The following HS3ST3B1 variants were observed in gnomAD, a reference collection of about 807,000 sequenced individuals.
HS3ST3B1 encodes the protein heparan sulfate glucosamine 3-O-sulfotransferase 3B1.
In HS3ST3B1, 13 loss-of-function variants were observed where a neutral mutation model predicts 21.3. The observed-to-expected ratio is 0.61, with a 90% CI of 0.40 to 0.97. The LOEUF (loss-of-function observed/expected upper bound fraction) is 0.97, where lower values mean the gene tolerates loss of function less well. Among genes scored for constraint, HS3ST3B1 ranks in the 50% least tolerant of loss-of-function variants. The probability of loss-of-function intolerance (pLI) is 0.00; values close to 1 mark genes in which losing one functional copy is unlikely to be tolerated. For synonymous variants in HS3ST3B1, 234 were observed against 254.8 expected, an observed-to-expected ratio of 0.92 and a Z score of 0.78; for missense variants, 459 against 554.8, an observed-to-expected ratio of 0.83 and a Z score of 1.73.
At chr17:14,319,366 T>G (rs1371325070) in intron 1 of HS3ST3B1, among the ~76,000 whole-genome samples, 5 of 152,178 alleles carry the variant, frequency 3.3e-5, no homozygotes, top group African/African-American at 1.2e-4. Context: ...AAATTGTCAT[T>G]AGGGCAGTCC....
chr17:14,339,569 G>T (rs994972685), intron 1 of HS3ST3B1, among the ~76,000 whole-genome samples: 1 of 152,172 alleles, frequency 6.6e-6, no homozygotes, highest in African/African-American at 2.4e-5. Flanking sequence ...CTCCAAGCAA[G>T]TCACCCTCTC....
At chr17:14,326,921 C>CAAAAAAAAAAAAA (rs60800866) in intron 1 of HS3ST3B1, among the ~76,000 whole-genome samples, 4 of 60,476 alleles carry the variant, frequency 6.6e-5, no homozygotes, top group Non-Finnish European at 7.2e-5. Flanking sequence ...AACTCTGTCT[C>CAAAAAAAAAAAAA]AAAAAAAAAA....
In HS3ST3B1 at chr17:14,337,553, G is replaced by T. The variant is rs1389092207; in HGVS notation, c.555-7475G>T. ...GGGTTTCGTCATGTTGGCCAGGCTG[G>T]TCTTGAACTCCTGGCCTCAGGTAAT... On this transcript the variant is annotated intron_variant, in intron 1 of 1. Coordinates refer to ENST00000360954, the MANE Select transcript of HS3ST3B1 (RefSeq NM_006041.3). 2.0e-5 allele frequency among the ~76,000 whole-genome samples: 3 copies of T among 151,278 alleles called. No individual in the cohort carries two copies. In the East Asian group the frequency reaches 5.8e-4, roughly 29 times the overall value.
At chr17:14,336,204 A>T (rs151273814) in intron 1 of HS3ST3B1, among the ~76,000 whole-genome samples, 1 of 152,128 alleles carries the variant, frequency 6.6e-6, no homozygotes, top group Non-Finnish European at 1.5e-5. Flanking sequence ...AACTTCCATC[A>T]TCTGTTTTAC....
intron 1 of HS3ST3B1, among the ~76,000 whole-genome samples, chr17:14,314,461 C>T (rs1477433083): frequency 6.6e-6 from 1 of 152,208 alleles, no homozygotes; most frequent in African/African-American, 2.4e-5. Flanking sequence ...TGGTTACCGT[C>T]CCCATCCCGA....
At chr17:14,307,643 A>G (rs1909178639) in intron 1 of HS3ST3B1, among the ~76,000 whole-genome samples, 2 of 152,166 alleles carry the variant, frequency 1.3e-5, no homozygotes, top group South Asian at 2.1e-4. Flanking sequence ...GGTGGCATTT[A>G]TTTCAAGGTT....
chr17:14,308,932 T>C (rs1184771628), intron 1 of HS3ST3B1, among the ~76,000 whole-genome samples: 1 of 152,074 alleles, frequency 6.6e-6, no homozygotes, highest in African/African-American at 2.4e-5. Flanking sequence ...CTGGGCAATG[T>C]GAGGTTTGAG....
intron 1 of HS3ST3B1, among the ~76,000 whole-genome samples, chr17:14,306,980 A>C (rs1204038381): frequency 6.6e-6 from 1 of 152,226 alleles, no homozygotes; most frequent in Non-Finnish European, 1.5e-5. Flanking sequence ...TGGTTGATTA[A>C]TCTTTTACAA....
At position 14,301,874 on chromosome 17, in the gene HS3ST3B1, C is replaced by T. The variant is rs769770705; in HGVS notation, c.356C>T (p.Pro119Leu). The change falls in exon 1 of 2, where the codon CCG (proline) becomes CTG (leucine). Residue 119 changes from proline (P) to leucine (L), a missense_variant. Pro to Leu is a moderately conservative substitution (Grantham distance 98, BLOSUM62 -3). Transcript: ENST00000360954. ...CCGGAGGAGCAGAGTCCCGAGGTGC[C>T]GGACTCCCCAAGCCCCATCTCCAGC... Reference protein sequence around the residue: ...ASPEEQSPEVPDSPSPISSFF... With the variant: ...ASPEEQSPEVLDSPSPISSFF... The T allele has an allele frequency of 1.2e-6, 2 of 1,603,960 alleles. No individual in the cohort carries two copies. The highest frequency in any genetic ancestry group is 2.7e-5 in the African/African-American group (2 of 74,842).
chr17:14,334,083 C>T (rs1003955332), intron 1 of HS3ST3B1, among the ~76,000 whole-genome samples: 8 of 152,028 alleles, frequency 5.3e-5, no homozygotes, highest in African/African-American at 2.4e-5. Context: ...CTTTAAATAT[C>T]GATGGTGATC....
chr17:14,336,964 C>T (rs1276737914), intron 1 of HS3ST3B1, among the ~76,000 whole-genome samples: 2 of 152,086 alleles, frequency 1.3e-5, no homozygotes, highest in African/African-American at 4.8e-5. Flanking sequence ...TCTGTTGAGT[C>T]CTGAGGCTGC....
At chr17:14,342,078 T>G (rs1322188050) in intron 1 of HS3ST3B1, among the ~76,000 whole-genome samples, 1 of 152,140 alleles carries the variant, frequency 6.6e-6, no homozygotes, top group Non-Finnish European at 1.5e-5. Flanking sequence ...CAAGAAGGAG[T>G]GCCCGCCCTC....
rs1377231858 is a variant in HS3ST3B1, at chr17:14,315,543, C to T, written c.554+13471C>T. On this transcript the variant is annotated intron_variant, in intron 1 of 1. Coordinates refer to ENST00000360954, the MANE Select transcript of HS3ST3B1 (RefSeq NM_006041.3). The stretch of plus-strand genomic sequence containing the variant: ...TTCTTTGAGTGAAGACAAAGTTCTT[C>T]TGGGTGTGGTGGCTCATGCCTGTAA... Among the ~76,000 whole-genome samples, 4 of 152,182 alleles carry T rather than the reference C, an allele frequency of 2.6e-5. No individual in the cohort carries two copies. In the East Asian group the frequency reaches 7.7e-4, roughly 29 times the overall value.
chr17:14,331,077 C>T (rs1038471162), intron 1 of HS3ST3B1, among the ~76,000 whole-genome samples: 4 of 152,172 alleles, frequency 2.6e-5, no homozygotes, highest in Admixed American at 6.5e-5. Context: ...CTAAAAAGTC[C>T]GCTTCCCAGA....
chr17:14,306,726 G>C (rs536786019), intron 1 of HS3ST3B1, among the ~76,000 whole-genome samples: 1 of 152,204 alleles, frequency 6.6e-6, no homozygotes, highest in East Asian at 1.9e-4. Context: ...GGAAATTTAA[G>C]ATAAGATCTG....
intron 1 of HS3ST3B1, among the ~76,000 whole-genome samples, chr17:14,326,860 G>C (rs1909833496): frequency 6.7e-6 from 1 of 148,246 alleles, no homozygotes; most frequent in Non-Finnish European, 1.5e-5. Context: ...GGTGGAGGTT[G>C]CAGTGAGCAG....
At chr17:14,333,270 C>T (rs1216508856) in intron 1 of HS3ST3B1, among the ~76,000 whole-genome samples, 1 of 151,772 alleles carries the variant, frequency 6.6e-6, no homozygotes, top group African/African-American at 2.4e-5. Flanking sequence ...GTTTGAGACC[C>T]GCCTGGCCAA....
intron 1 of HS3ST3B1, among the ~76,000 whole-genome samples, chr17:14,334,381 G>C (rs964708847): frequency 5.9e-5 from 9 of 151,976 alleles, no homozygotes; most frequent in Non-Finnish European, 1.3e-4. Context: ...TCACTATGTG[G>C]CTTAGGCTGT....
At chr17:14,313,571 T>C (rs1909402459) in intron 1 of HS3ST3B1, among the ~76,000 whole-genome samples, 1 of 152,184 alleles carries the variant, frequency 6.6e-6, no homozygotes, top group African/African-American at 2.4e-5. Flanking sequence ...CCCTCCGTCA[T>C]TTCTTTTCTT....
Sources: gnomAD v4.1 joint callset for allele counts (sites outside exome capture counted in the v4.1 genomes callset) on GRCh38, gnomAD v4.1.1 for gene constraint, MANE v1.5 for transcripts, NCBI Gene and HGNC (gene_info 2026-07-23, HGNC 2026-07-21) for gene names.